GRAMD4: variants seen among roughly 807,000 people sequenced by gnomAD.
The protein encoded by GRAMD4 is GRAM domain-containing protein 4.
GRAMD4 carries 25 observed loss-of-function variants against 83.9 expected under a neutral mutation model. The ratio of observed to expected loss-of-function variants is 0.30; its 90% confidence interval spans 0.22 to 0.42. The LOEUF is 0.42. GRAMD4 is among the 10% of genes least tolerant of loss of function. The pLI is 1.00. For synonymous variants in GRAMD4, 336 were observed against 320.9 expected (o/e 1.05, Z -0.50); for missense variants, 593 against 788.7 (o/e 0.75, Z 2.97).
intron 1 of GRAMD4, among the ~76,000 whole-genome samples, chr22:46,596,926 C>T (rs1366107996): frequency 6.6e-6 from 1 of 152,192 alleles, no homozygotes; most frequent in East Asian, 1.9e-4. Flanking sequence ...ACCTCCACTC[C>T]TTTGCAGAGC....
chr22:46,607,283 G>C (rs774376738), intron 1 of GRAMD4, among the ~76,000 whole-genome samples: 1 of 152,134 alleles, frequency 6.6e-6, no homozygotes, highest in African/African-American at 2.4e-5. Context: ...AACATGGCAC[G>C]TGCATACCTA....
Position 46,582,533 on chromosome 22 carries a change from G to A in GRAMD4, c.-50+5243G>A, listed in dbSNP as rs78189270. On this transcript the variant is annotated intron_variant, in intron 1 of 1. Transcript: ENST00000431155. ...GTTTACCACGCTTCCCTTCTAGAAG[G>A]TGGGCTCCTGAAGTTAGGGGTCTCT... Among the ~76,000 whole-genome samples the A allele has an allele frequency of 6.4e-3, 980 of 152,238 alleles. 3 individuals are homozygous for A. Among genetic ancestry groups the A allele is most frequent in the Non-Finnish European group, 0.011 (759 of 68,016 alleles).
intron 8 of GRAMD4, among the ~76,000 whole-genome samples, chr22:46,664,614 A>T (rs1472900155): frequency 1.3e-5 from 2 of 152,078 alleles, no homozygotes; most frequent in East Asian, 3.9e-4. Flanking sequence ...CCTGCCTGGA[A>T]CTGCCCTGCA....
chr22:46,675,853 C>A (rs1463496651), intron 17 of GRAMD4, among the ~76,000 whole-genome samples: 45 of 152,338 alleles, frequency 3.0e-4, no homozygotes, highest in Middle Eastern at 3.4e-3. Context: ...CTGGGACCCT[C>A]CCCATAAAGA....
intron 3 of GRAMD4, among the ~76,000 whole-genome samples, chr22:46,647,950 A>G (rs935232038): frequency 5.3e-5 from 8 of 152,214 alleles, no homozygotes; most frequent in African/African-American, 1.9e-4. Flanking sequence ...TCATCTACCA[A>G]CTGGAGTCAT....
intron 2 of GRAMD4, among the ~76,000 whole-genome samples, chr22:46,634,770 G>A (rs562832960): frequency 2.6e-5 from 4 of 152,170 alleles, no homozygotes; most frequent in South Asian, 2.1e-4. Flanking sequence ...GTGAAACCCC[G>A]TCTGTACTAA....
At chr22:46,673,116 T>TA (rs1569306936) in intron 14 of GRAMD4, 119 bp downstream of exon 14, 2 of 828,104 alleles carry the variant, frequency 2.4e-6, no homozygotes, top group Non-Finnish European at 3.7e-6. Context: ...TTCAATTTTA[T>TA]AGACTCCTTA....
intron 1 of GRAMD4, chr22:46,588,067 C>T (rs2081168834): frequency 3.7e-6 from 2 of 544,848 alleles, no homozygotes; most frequent in South Asian, 1.6e-4. Context: ...TCTGGGACAG[C>T]CCCAGCCCTG....
At chr22:46,635,730 GC>G (rs2081872507) in intron 2 of GRAMD4, among the ~76,000 whole-genome samples, 1 of 95,772 alleles carries the variant, frequency 1.0e-5, no homozygotes. Flanking sequence ...TGTCCTGGGG[GC>G]CCGTGTCCTC....
chr22:46,640,377 C>T (rs1173927050), intron 3 of GRAMD4, among the ~76,000 whole-genome samples: 4 of 152,014 alleles, frequency 2.6e-5, no homozygotes, highest in East Asian at 1.9e-4. Flanking sequence ...GATGGAGGGA[C>T]GCCTGTCCAG....
chr22:46,614,357 G>A (rs574552303), intron 1 of GRAMD4, among the ~76,000 whole-genome samples: 6 of 152,330 alleles, frequency 3.9e-5, no homozygotes, highest in East Asian at 1.9e-4. Context: ...AAGTGTTAAC[G>A]TGCAGATGAA....
At position 46,623,872 on chromosome 22, in the gene GRAMD4, C is replaced by T. The variant is rs956157181; in HGVS notation, c.-49-2879C>T. ...TCTCGGCTCACTGCAACCTCCACCTCCCGGGTTCAAGCAATTCTCCTGCCT... is the reference window on the plus strand; with the variant it reads ...TCTCGGCTCACTGCAACCTCCACCTTCCGGGTTCAAGCAATTCTCCTGCCT... On this transcript the variant is annotated intron_variant, in intron 1 of 18. Coordinates refer to ENST00000406902, the MANE Select transcript of GRAMD4 (RefSeq NM_015124.5). Among the ~76,000 whole-genome samples, 6 of 151,804 alleles carry T rather than the reference C, an allele frequency of 4.0e-5. No individual in the cohort carries two copies. The East Asian group carries it at 1.2e-3, about 29-fold the overall frequency.
chr22:46,586,785 C>G (rs1032987410), intron 1 of GRAMD4, among the ~76,000 whole-genome samples: 1 of 152,186 alleles, frequency 6.6e-6, no homozygotes, highest in African/African-American at 2.4e-5. Context: ...TGAGCAGTGA[C>G]AGCCTGCAGG....
chr22:46,628,261 G>T (rs546688423), intron 2 of GRAMD4, among the ~76,000 whole-genome samples: 24 of 152,256 alleles, frequency 1.6e-4, no homozygotes, highest in African/African-American at 5.5e-4. Context: ...TCCAGGTGTT[G>T]TCTCGGTAGG....
At chr22:46,663,908 G>A in intron 7 of GRAMD4, 45 bp downstream of exon 7, 1 of 1,608,124 alleles carries the variant, frequency 6.2e-7, no homozygotes, top group Non-Finnish European at 8.5e-7. Context: ...GCTCAGTGTG[G>A]GTGGGGCCCA....
chr22:46,658,162 C>T (rs1357066389), intron 3 of GRAMD4, 25 bp from the exon 4 acceptor site: 2 of 1,613,192 alleles, frequency 1.2e-6, no homozygotes, highest in East Asian at 2.2e-5. Flanking sequence ...GAGCGATGGT[C>T]ACCTGGCCGT....
At chr22:46,598,163 G>A (rs1280393467) in intron 1 of GRAMD4, among the ~76,000 whole-genome samples, 1 of 151,930 alleles carries the variant, frequency 6.6e-6, no homozygotes, top group African/African-American at 2.4e-5. Flanking sequence ...TTTATTTTTA[G>A]TAGAGACAGG....
chr22:46,631,181 T>G (rs2081770391), intron 2 of GRAMD4, among the ~76,000 whole-genome samples: 1 of 152,270 alleles, frequency 6.6e-6, no homozygotes, highest in Non-Finnish European at 1.5e-5. Context: ...TGTACCATTT[T>G]CATTTTCACT....
intron 2 of GRAMD4, among the ~76,000 whole-genome samples, chr22:46,630,702 A>G (rs974605773): frequency 6.6e-6 from 1 of 152,170 alleles, no homozygotes; most frequent in African/African-American, 2.4e-5. Context: ...TCGTCACTTC[A>G]GCTAATCTGT....
Sources: gnomAD v4.1 joint callset for allele counts (sites outside exome capture counted in the v4.1 genomes callset) on GRCh38, gnomAD v4.1.1 for gene constraint, MANE v1.5 for transcripts, NCBI Gene and HGNC (gene_info 2026-07-23, HGNC 2026-07-21) for gene names.